Variants in TRPM3 observed in about 807,000 individuals in gnomAD.
TRPM3 encodes transient receptor potential cation channel subfamily M member 3.
In TRPM3, 77 loss-of-function variants were observed where a neutral mutation model predicts 181.2. The observed-to-expected ratio is 0.42, with a 90% CI of 0.35 to 0.51. TRPM3 has a LOEUF of 0.51. Ranked by LOEUF, TRPM3 falls within the 20% of genes least tolerant of loss-of-function variation. The probability of loss-of-function intolerance (pLI) is 0.01; values close to 1 mark genes in which losing one functional copy is unlikely to be tolerated. For missense variants in TRPM3, 1,759 were observed against 2,196.7 expected (o/e 0.80, Z 3.98); for synonymous variants, 745 against 796.4 (o/e 0.94, Z 1.09).
chr9:70,681,052 T>C (rs1375805617), intron 9 of TRPM3, among the ~76,000 whole-genome samples: 1 of 150,686 alleles, frequency 6.6e-6, no homozygotes, highest in Non-Finnish European at 1.5e-5. Flanking sequence ...TCCTTCTCCT[T>C]CTTCTCAATG....
chr9:71,249,596 G>A (rs1202940179), intron 1 of TRPM3, among the ~76,000 whole-genome samples: 1 of 152,052 alleles, frequency 6.6e-6, no homozygotes, highest in Non-Finnish European at 1.5e-5. Context: ...TCTCACAAAT[G>A]TAAAGAAGCC....
At chr9:70,582,185 T>TGTGC (rs778812732) in intron 22 of TRPM3, among the ~76,000 whole-genome samples, 8 of 130,396 alleles carry the variant, frequency 6.1e-5, no homozygotes, top group African/African-American at 2.3e-4. Context: ...CCTGTGCGTG[T>TGTGC]GTGTGTGTGT....
chr9:71,042,173 T>C (rs1056222003), intron 1 of TRPM3, among the ~76,000 whole-genome samples: 3 of 151,930 alleles, frequency 2.0e-5, no homozygotes, highest in Admixed American at 2.0e-4. Flanking sequence ...TCCTAAAGTA[T>C]GTACCTTAGA....
intron 20 of TRPM3, among the ~76,000 whole-genome samples, chr9:70,599,593 C>T (rs1387237943): frequency 1.3e-5 from 2 of 152,126 alleles, no homozygotes; most frequent in Admixed American, 1.3e-4. Context: ...CAAGTTTATT[C>T]GATATTCAGG....
chr9:70,819,453 G>A (rs1422428456), intron 6 of TRPM3, among the ~76,000 whole-genome samples: 1 of 152,134 alleles, frequency 6.6e-6, no homozygotes, highest in East Asian at 1.9e-4. Flanking sequence ...ACTTAGAAAT[G>A]CTAAGCCCAG....
intron 1 of TRPM3, among the ~76,000 whole-genome samples, chr9:71,282,370 T>TGAAA (rs71493608): frequency 0.38 from 28,413 of 74,166 alleles, 7,392 homozygotes; most frequent in Admixed American, 0.42. Flanking sequence ...AAAGAAAGAA[T>TGAAA]GAAAGAAAGA....
rs1314114272 is a variant in TRPM3, at chr9:71,121,298, G to A, written c.57C>T (p.Phe19=). ...YFLGIAQVFS[F]LFSWWNLEGV... Reference sequence around the variant, plus strand: ...CTTCCAAATTCCACCAGGAAAACAAGAAACTGAAAACCTGAGCAATGCCTA... The same window carrying A: ...CTTCCAAATTCCACCAGGAAAACAAAAAACTGAAAACCTGAGCAATGCCTA... The change falls in exon 1 of 26, where the codon TTC becomes TTT. Residue 19 remains phenylalanine (F), a synonymous_variant. Coordinates refer to ENST00000677713, the MANE Select transcript of TRPM3 (RefSeq NM_001366145.2). 8 of 1,614,060 alleles carry A rather than the reference G, an allele frequency of 5.0e-6. No individual in the cohort carries two copies. The African/African-American group carries it at 8.0e-5, about 16-fold the overall frequency.
intron 1 of TRPM3, among the ~76,000 whole-genome samples, chr9:71,062,559 C>G (rs1164471987): frequency 6.6e-6 from 1 of 152,086 alleles, no homozygotes; most frequent in African/African-American, 2.4e-5. Flanking sequence ...TTTCTAAATA[C>G]TTTTGTTTCT....
At chr9:70,995,801 C>G (rs2097536569) in intron 1 of TRPM3, among the ~76,000 whole-genome samples, 1 of 152,144 alleles carries the variant, frequency 6.6e-6, no homozygotes, top group Admixed American at 6.5e-5. Context: ...TGCTGTCTGA[C>G]CCATACATAC....
intron 7 of TRPM3, chr9:70,774,909 A>G (rs1241631397): frequency 6.6e-6 from 1 of 152,172 alleles, no homozygotes; most frequent in Non-Finnish European, 1.5e-5. Flanking sequence ...TGCAGACTTG[A>G]GTTAATCTTG....
intron 1 of TRPM3, among the ~76,000 whole-genome samples, chr9:71,144,976 C>T (rs1337476112): frequency 6.6e-6 from 1 of 152,122 alleles, no homozygotes; most frequent in Non-Finnish European, 1.5e-5. Flanking sequence ...TTCCAAATAA[C>T]CGTGTCACCA....
chr9:71,151,326 T>A (rs1227944844), intron 1 of TRPM3, among the ~76,000 whole-genome samples: 1 of 151,900 alleles, frequency 6.6e-6, no homozygotes, highest in Non-Finnish European at 1.5e-5. Flanking sequence ...AAGAGAAAAA[T>A]GGGCACAAAA....
intron 7 of TRPM3, among the ~76,000 whole-genome samples, chr9:70,766,741 CTG>C (rs1421149934): frequency 6.6e-6 from 1 of 152,176 alleles, no homozygotes; most frequent in Non-Finnish European, 1.5e-5. Flanking sequence ...TGTCATGACT[CTG>C]GTAACATGAC....
At position 71,080,207 on chromosome 9, in the gene TRPM3, T is replaced by TAAATAAATAAA. The variant is rs1396432862; in HGVS notation, c.177+40970_177+40971insTTTATTTATTT. Among the ~76,000 whole-genome samples the TAAATAAATAAA allele has an allele frequency of 8.1e-4, 118 of 145,836 alleles. 2 individuals are homozygous for TAAATAAATAAA. Among genetic ancestry groups the TAAATAAATAAA allele is most frequent in the African/African-American group, 2.7e-3 (106 of 39,628 alleles). ...ATAAATAAATAAATAAATAAATAAATAAAATAAAAAGGGAGACTTTGTTCT... is the reference window on the plus strand; with the variant it reads ...ATAAATAAATAAATAAATAAATAAATAAATAAATAAAAAAATAAAAAGGGAGACTTTGTTCT... On this transcript the variant is annotated intron_variant, in intron 1 of 25. Coordinates refer to ENST00000677713, the MANE Select transcript of TRPM3 (RefSeq NM_001366145.2).
At chr9:70,606,797 C>T (rs1227766722) in intron 19 of TRPM3, among the ~76,000 whole-genome samples, 2 of 152,082 alleles carry the variant, frequency 1.3e-5, no homozygotes, top group East Asian at 1.9e-4. Flanking sequence ...TCTTTCTATG[C>T]ATTTTCCATT....
At chr9:71,440,648 A>G (rs1038398983) in intron 1 of TRPM3, among the ~76,000 whole-genome samples, 6 of 152,212 alleles carry the variant, frequency 3.9e-5, no homozygotes, top group Non-Finnish European at 7.3e-5. Flanking sequence ...CTGTGTTGTC[A>G]CTTTGCATAT....
intron 5 of TRPM3, among the ~76,000 whole-genome samples, chr9:70,835,888 A>G (rs2094288617): frequency 6.6e-6 from 1 of 152,150 alleles, no homozygotes; most frequent in Admixed American, 6.6e-5. Flanking sequence ...CTAGGTTTAA[A>G]TCCCAGAAAC....
At chr9:71,404,970 C>A (rs1228248627) in intron 1 of TRPM3, among the ~76,000 whole-genome samples, 1 of 152,152 alleles carries the variant, frequency 6.6e-6, no homozygotes, top group Non-Finnish European at 1.5e-5. Context: ...AAGCATTGGT[C>A]CATGACCCCT....
At chr9:70,924,482 T>C (rs551701739) in intron 1 of TRPM3, among the ~76,000 whole-genome samples, 1 of 152,324 alleles carries the variant, frequency 6.6e-6, no homozygotes, top group Non-Finnish European at 1.5e-5. Context: ...TCAACATCAT[T>C]AAATAATGTT....
Sources: gnomAD v4.1 joint callset for allele counts (sites outside exome capture counted in the v4.1 genomes callset) on GRCh38, gnomAD v4.1.1 for gene constraint, MANE v1.5 for transcripts, NCBI Gene and HGNC (gene_info 2026-07-23, HGNC 2026-07-21) for gene names.